Variants in RIPOR2 observed in about 807,000 individuals in gnomAD.
The protein encoded by RIPOR2 is RHO family interacting cell polarization regulator 2, also known as rho family-interacting cell polarization regulator 2.
RIPOR2 carries 39 observed loss-of-function variants against 114.5 expected under a neutral mutation model. The observed-to-expected ratio is 0.34, with a 90% CI of 0.26 to 0.44. The LOEUF (loss-of-function observed/expected upper bound fraction) is 0.44, where lower values mean the gene tolerates loss of function less well. RIPOR2 is among the 20% of genes least tolerant of loss of function. RIPOR2 has a pLI of 1.00. For missense variants in RIPOR2, 1,007 were observed against 1,255.1 expected (o/e 0.80, Z 2.99); for synonymous variants, 445 against 484.4 (o/e 0.92, Z 1.07).
rs369994154 is a variant in RIPOR2, at chr6:24,806,454, T to G, written c.3063A>C (p.Ala1021=). The change falls in exon 22 of 22, where the codon GCA becomes GCC. Residue 1021 remains alanine, a synonymous_variant. Transcript: ENST00000643898. ...GAGGAAATTTGTCCAATTGTTCATA[T>G]GCCAGCCGCCCATCTTCTCCTAAAT... ...LLSLGEDGRL[A]YEQLDKFPRD... The G allele has an allele frequency of 2.1e-4, 331 of 1,551,832 alleles. No individual in the cohort carries two copies. The highest frequency in any genetic ancestry group is 5.0e-4 in the Middle Eastern group (3 of 5,994).
intron 12 of RIPOR2, 126 bp from the exon 13 acceptor site, chr6:24,843,680 C>T (rs1761966139): frequency 4.9e-6 from 3 of 615,474 alleles, no homozygotes; most frequent in African/African-American, 3.8e-5. Flanking sequence ...AGAATGTTAG[C>T]ATTTTATTTG....
chr6:24,863,114 G>A (rs963375722), intron 7 of RIPOR2, among the ~76,000 whole-genome samples: 2 of 151,874 alleles, frequency 1.3e-5, no homozygotes, highest in South Asian at 4.2e-4. Context: ...CACCACGCCC[G>A]GCTAATTTTT....
At chr6:24,927,349 A>G (rs575061301) in intron 1 of RIPOR2, among the ~76,000 whole-genome samples, 1 of 149,186 alleles carries the variant, frequency 6.7e-6, no homozygotes, top group Non-Finnish European at 1.5e-5. Context: ...CACCATCACC[A>G]TCATCGTGAA....
chr6:24,909,086 T>C (rs1231448111), intron 1 of RIPOR2, among the ~76,000 whole-genome samples: 1 of 152,180 alleles, frequency 6.6e-6, no homozygotes, highest in East Asian at 1.9e-4. Flanking sequence ...TTTTCAGATG[T>C]TTGGATGCAG....
Position 25,038,972 on chromosome 6 carries a change from C to T in RIPOR2, c.76+2879G>A, listed in dbSNP as rs186632668. 1.5e-3 allele frequency among the ~76,000 whole-genome samples: 225 copies of T among 152,368 alleles called. 1 individual carries two copies. The highest frequency in any genetic ancestry group is 5.3e-3 in the African/African-American group (219 of 41,594). On this transcript the variant is annotated intron_variant, in intron 1 of 13. Transcript: ENST00000510784. The stretch of plus-strand genomic sequence containing the variant: ...AGCTGTGGTTGATTACCAATGTCTG[C>T]ATGGGCATGGAAATGGACAGTGGTG...
intron 14 of RIPOR2, 195 bp from the exon 15 acceptor site, chr6:24,836,066 A>G: frequency 1.7e-6 from 1 of 572,066 alleles, no homozygotes. Context: ...TTAAAAGGAC[A>G]TGCAAACAAA....
At position 24,820,297 on chromosome 6, in the gene RIPOR2, C is replaced by T. The variant is rs960868399; in HGVS notation, c.2869-1672G>A. ...CCGTCCGCCTCGGCCTCCCAGAGTG[C>T]TGGGATTACAGGCGTGAGCCACTGC... On this transcript the variant is annotated intron_variant, in intron 19 of 21. Coordinates refer to ENST00000643898, the MANE Select transcript of RIPOR2 (RefSeq NM_001286445.3). Among the ~76,000 whole-genome samples, 4 of 152,168 alleles carry T rather than the reference C, an allele frequency of 2.6e-5. No homozygotes were observed. The East Asian group carries it at 7.7e-4, about 29-fold the overall frequency.
intron 1 of RIPOR2, among the ~76,000 whole-genome samples, chr6:24,961,023 A>C (rs379206): frequency 0.97 from 147,163 of 152,276 alleles, 71,134 homozygotes; most frequent in East Asian, 1. Context: ...ACTGAGCAAC[A>C]ATTTGAGGAG....
In RIPOR2 at chr6:25,018,810, T is replaced by C. The variant is rs144701877; in HGVS notation, c.76+23041A>G. Among the ~76,000 whole-genome samples the C allele has an allele frequency of 2.0e-3, 297 of 152,286 alleles. 3 individuals are homozygous for C. The highest frequency in any genetic ancestry group is 0.018 in the East Asian group (91 of 5,188). On this transcript the variant is annotated intron_variant, in intron 1 of 13. Transcript: ENST00000510784. Reference sequence around the variant, plus strand: ...CTACTTATCATGATATTAAGATTGATTTGTGGGTAGAGGTAATGTCAGTTG... The same window carrying C: ...CTACTTATCATGATATTAAGATTGACTTGTGGGTAGAGGTAATGTCAGTTG...
In RIPOR2 at chr6:24,858,943, T is replaced by C. The variant is rs2113820696; in HGVS notation, c.715+2030A>G. Among the ~76,000 whole-genome samples the C allele has an allele frequency of 6.6e-6, 1 of 152,220 alleles. No individual in the cohort carries two copies. Among genetic ancestry groups the C allele is most frequent in the Non-Finnish European group, 1.5e-5 (1 of 68,012 alleles). ...TTTCCTCCCCATCCCACTCCTAGGG[T>C]GTCTCTGTGCTAGGTTGGAGAGGAT... On this transcript the variant is annotated intron_variant, in intron 8 of 21. Transcript: ENST00000643898. The surrounding 1 kb of genome is among the most constrained non-coding windows in gnomAD (Gnocchi z 4.0).
At chr6:25,026,302 C>G (rs1776620419) in intron 1 of RIPOR2, among the ~76,000 whole-genome samples, 1 of 151,962 alleles carries the variant, frequency 6.6e-6, no homozygotes. Flanking sequence ...ATAGGTATAC[C>G]TTTTGTCACG....
intron 1 of RIPOR2, among the ~76,000 whole-genome samples, chr6:24,888,111 A>T (rs1047375484): frequency 6.6e-6 from 1 of 152,164 alleles, no homozygotes; most frequent in African/African-American, 2.4e-5. Context: ...TACCTATTTT[A>T]AAAAAACCCA....
Position 25,028,848 on chromosome 6 carries a change from G to A in RIPOR2, c.76+13003C>T, listed in dbSNP as rs1196005133. On this transcript the variant is annotated intron_variant, in intron 1 of 13. Transcript: ENST00000510784. ...CCCTTCATCTGGTCCACACCAGGGT[G>A]GGAAAGTATGGGGAATAGTGGATCT... is the stretch of plus-strand genomic sequence containing the variant. Among the ~76,000 whole-genome samples the A allele has an allele frequency of 2.0e-5, 3 of 152,218 alleles. No homozygotes were observed. The East Asian group carries it at 5.8e-4, about 29-fold the overall frequency.
In RIPOR2 at chr6:25,037,002, G is replaced by C. The variant is rs1437656896; in HGVS notation, c.76+4849C>G. On this transcript the variant is annotated intron_variant, in intron 1 of 13. Transcript: ENST00000510784. This position sits in a 1 kb window ranked among gnomAD's most constrained non-coding sequence, Gnocchi z 4.5. ...GGGAAAAAATGTGGAGGTGGCAATG[G>C]TAAGCCCTTCATACTGCCTCAAATG... is the stretch of plus-strand genomic sequence containing the variant. Among the ~76,000 whole-genome samples, 1 of 152,136 alleles carries C rather than the reference G, an allele frequency of 6.6e-6. No homozygotes were observed. The highest frequency in any genetic ancestry group is 1.5e-5 in the Non-Finnish European group (1 of 68,018).
intron 1 of RIPOR2, among the ~76,000 whole-genome samples, chr6:24,935,233 G>T (rs192712862): frequency 2.0e-5 from 3 of 150,006 alleles, no homozygotes; most frequent in Non-Finnish European, 4.4e-5. Flanking sequence ...ACTTGAACCC[G>T]GGAGACGGAG....
At chr6:24,818,372 T>C (rs72839906) in intron 20 of RIPOR2, among the ~76,000 whole-genome samples, 170 bp downstream of exon 20, 3,253 of 152,324 alleles carry the variant, frequency 0.021, 37 homozygotes, top group Non-Finnish European at 0.033. Flanking sequence ...CAAAGTCACA[T>C]GTAATTACTG....
chr6:24,852,554 C>CT, intron 9 of RIPOR2, 21 bp downstream of exon 9: 2 of 1,604,164 alleles, frequency 1.2e-6, no homozygotes, highest in Non-Finnish European at 1.7e-6. Context: ...ATTCCAGCAC[C>CT]TAGACCAAGA....
intron 6 of RIPOR2, among the ~76,000 whole-genome samples, chr6:24,867,795 C>T (rs1257177263): frequency 6.6e-6 from 1 of 152,176 alleles, no homozygotes; most frequent in Non-Finnish European, 1.5e-5. Flanking sequence ...ACCTATCAGT[C>T]AGCAGTGGCT....
At chr6:24,948,971 T>C (rs745825011) in intron 1 of RIPOR2, among the ~76,000 whole-genome samples, 1 of 152,188 alleles carries the variant, frequency 6.6e-6, no homozygotes, top group Non-Finnish European at 1.5e-5. Context: ...CCTCTCCCTC[T>C]TGTCCCTGTT....
Sources: allele counts gnomAD v4.1 joint callset (sites outside exome capture counted in the v4.1 genomes callset), GRCh38; gene constraint gnomAD v4.1.1; non-coding constraint Gnocchi (gnomAD v3.1); transcripts MANE v1.5; gene names NCBI Gene and HGNC (gene_info 2026-07-23, HGNC 2026-07-21).